The following CEP63 variants were observed in gnomAD, a reference collection of about 807,000 sequenced individuals.
CEP63 encodes the protein centrosomal protein of 63 kDa.
In CEP63, 84 loss-of-function variants were observed where a neutral mutation model predicts 89.1. The observed-to-expected ratio is 0.94, with a 90% CI of 0.79 to 1.13. The LOEUF (loss-of-function observed/expected upper bound fraction) is 1.13, where lower values mean the gene tolerates loss of function less well. Ranked by LOEUF, CEP63 falls within the 50% of genes most tolerant of loss-of-function variation. CEP63 has a pLI of 0.00. For synonymous variants in CEP63, 267 were observed against 272.5 expected (o/e 0.98, Z 0.20); for missense variants, 838 against 813.3 (o/e 1.03, Z -0.37).
At chr3:134,552,047 C>T in intron 12 of CEP63, 35 bp downstream of exon 12, 1 of 1,110,700 alleles carries the variant, frequency 9.0e-7, no homozygotes. Flanking sequence ...TTCTACTATC[C>T]AAGCCTTCAA....
the CEP63 span, among the ~76,000 whole-genome samples, chr3:134,779,574 G>A: frequency 8.1e-4 from 123 of 152,308 alleles, no homozygotes; most frequent in African/African-American, 2.8e-3. Context: ...ACACATGGAT[G>A]TTCATCTAGA....
At chr3:134,528,083 C>G (rs185591022) in intron 3 of CEP63, among the ~76,000 whole-genome samples, 7 of 152,282 alleles carry the variant, frequency 4.6e-5, no homozygotes, top group African/African-American at 1.7e-4. Flanking sequence ...TCCAGAGGCC[C>G]GTGGCAAGAG....
the CEP63 span, among the ~76,000 whole-genome samples, chr3:134,621,030 G>C: frequency 5.3e-5 from 8 of 152,180 alleles, no homozygotes; most frequent in African/African-American, 1.9e-4. Context: ...GGGGAAGTTG[G>C]ACAGGGCAGG....
chr3:134,726,635 G>A, the CEP63 span, among the ~76,000 whole-genome samples: 2 of 152,086 alleles, frequency 1.3e-5, no homozygotes, highest in African/African-American at 4.8e-5. Flanking sequence ...TGATCTGAAT[G>A]CAAGTACTGG....
chr3:134,559,425 C>T lies in CEP63; in HGVS notation c.1949C>T (p.Ser650Phe), dbSNP rs1956934984. Reference protein sequence around the residue: ...ESMNDQEEFISSCSLPVSPLG... With the variant: ...ESMNDQEEFIFSCSLPVSPLG... ...ATGAATGACCAAGAAGAGTTTATAT[C>T]TTCGGTATGGAAACTTTCTGATCTT... The change falls in exon 14 of 15, where the codon TCT becomes TTT. Residue 650 changes from serine to phenylalanine, a missense_variant. Coordinates refer to ENST00000675561, the MANE Select transcript of CEP63 (RefSeq NM_001353108.3). 6.2e-7 allele frequency: 1 copy of T among 1,612,596 alleles called. No homozygotes were observed. The highest frequency in any genetic ancestry group is 8.5e-7 in the Non-Finnish European group (1 of 1,178,830).
At chr3:134,577,145 CTG>C (rs1958233868), downstream of CEP63, among the ~76,000 whole-genome samples, 1 of 152,078 alleles carries the variant, frequency 6.6e-6, no homozygotes, top group Non-Finnish European at 1.5e-5. Context: ...CCAAACAAGA[CTG>C]GAGCCACAGA....
chr3:134,665,702 C>CACACACAGAGAGAG, the CEP63 span, among the ~76,000 whole-genome samples: 263 of 102,324 alleles, frequency 2.6e-3, no homozygotes, highest in African/African-American at 0.01. Context: ...CACACACACA[C>CACACACAGAGAGAG]AGAGAGAGAG....
intron 3 of CEP63, among the ~76,000 whole-genome samples, chr3:134,528,795 C>G (rs185696776): frequency 1.6e-3 from 238 of 152,276 alleles, no homozygotes; most frequent in Admixed American, 4.7e-3. Context: ...GCAGTTACCC[C>G]TTCTACCTAC....
At position 134,564,704 on chromosome 3, in the gene CEP63, T is replaced by G; in HGVS notation, c.*3169T>G. The stretch of plus-strand genomic sequence containing the variant: ...GCTTTGCAGTTTTAAGTACTGTACC[T>G]ATGTGCATTGCTGTTACATTCAGGA... On this transcript the variant is annotated 3_prime_UTR_variant, in exon 15 of 15. Transcript: ENST00000675561. 4 of 985,432 alleles carry G rather than the reference T, an allele frequency of 4.1e-6. No homozygotes were observed. Among genetic ancestry groups the G allele is most frequent in the Non-Finnish European group, 4.8e-6 (4 of 829,908 alleles). The allele number at this position is 985,432 out of a possible 1,614,324, so 61.0% of individuals were successfully genotyped here.
the CEP63 span, among the ~76,000 whole-genome samples, chr3:134,697,634 C>A: frequency 6.6e-6 from 1 of 152,282 alleles, no homozygotes; most frequent in Admixed American, 6.5e-5. Context: ...TGATTGTACC[C>A]ACACCTGCAC....
At chr3:134,723,797 C>A in the CEP63 span, among the ~76,000 whole-genome samples, 2 of 152,142 alleles carry the variant, frequency 1.3e-5, no homozygotes, top group Non-Finnish European at 2.9e-5. Context: ...TGGTCCTCTG[C>A]CATTTTTCTG....
At chr3:134,635,046 G>A in the CEP63 span, among the ~76,000 whole-genome samples, 2 of 152,178 alleles carry the variant, frequency 1.3e-5, no homozygotes, top group African/African-American at 4.8e-5. Context: ...TGCCCTGTTG[G>A]GCATTTATCC....
At chr3:134,655,742 G>A in the CEP63 span, among the ~76,000 whole-genome samples, 1 of 152,308 alleles carries the variant, frequency 6.6e-6, no homozygotes, top group African/African-American at 2.4e-5. Flanking sequence ...GGGGAAGATG[G>A]TCTTAACAAT....
At chr3:134,660,257 A>T in the CEP63 span, among the ~76,000 whole-genome samples, 1 of 152,236 alleles carries the variant, frequency 6.6e-6, no homozygotes, top group Non-Finnish European at 1.5e-5. Flanking sequence ...GGAGGTTGCG[A>T]TGGAGGGATG....
chr3:134,546,636 T>A (rs1953409794), intron 8 of CEP63, among the ~76,000 whole-genome samples: 1 of 152,184 alleles, frequency 6.6e-6, no homozygotes, highest in Admixed American at 6.5e-5. Context: ...GGATTACAGG[T>A]GTGAGCTGCC....
the CEP63 span, among the ~76,000 whole-genome samples, chr3:134,685,749 C>G: frequency 6.6e-6 from 1 of 152,214 alleles, no homozygotes; most frequent in African/African-American, 2.4e-5. Context: ...TGTCTAGTCT[C>G]TCCATCAGAA....
chr3:134,700,889 T>A, the CEP63 span, among the ~76,000 whole-genome samples: 1 of 152,030 alleles, frequency 6.6e-6, no homozygotes, highest in Non-Finnish European at 1.5e-5. Context: ...CCATCAGAGG[T>A]GTGTTGCTCT....
the CEP63 span, among the ~76,000 whole-genome samples, chr3:134,773,361 T>C: frequency 2.0e-5 from 3 of 152,192 alleles, no homozygotes; most frequent in African/African-American, 7.2e-5. Flanking sequence ...TATTATAGCA[T>C]GGCTGAGAAG....
chr3:134,696,228 A>G, the CEP63 span, among the ~76,000 whole-genome samples: 12 of 151,958 alleles, frequency 7.9e-5, no homozygotes, highest in African/African-American at 2.9e-4. Flanking sequence ...TGTTTTACTC[A>G]CTCTCTAAGC....
Sources: allele counts gnomAD v4.1 joint callset (sites outside exome capture counted in the v4.1 genomes callset), GRCh38; gene constraint gnomAD v4.1.1; transcripts MANE v1.5; gene names NCBI Gene and HGNC (gene_info 2026-07-23, HGNC 2026-07-21).